The following ST8SIA5 variants were observed in gnomAD, a reference collection of about 807,000 sequenced individuals.
The protein encoded by ST8SIA5 is alpha-2,8-sialyltransferase 8E.
ST8SIA5 carries 24 observed loss-of-function variants against 40.2 expected under a neutral mutation model. That is an observed-to-expected ratio of 0.60 (90% confidence interval 0.43 to 0.84). ST8SIA5 has a LOEUF of 0.84. Among genes scored for constraint, ST8SIA5 ranks in the 40% least tolerant of loss-of-function variants. The pLI, the probability that ST8SIA5 is intolerant of heterozygous loss-of-function variation, is 0.00. For missense variants in ST8SIA5, 465 were observed against 498.5 expected, an observed-to-expected ratio of 0.93 and a Z score of 0.64; for synonymous variants, 198 against 201.8, an observed-to-expected ratio of 0.98 and a Z score of 0.16.
chr18:46,753,071 T>G (rs1026435794), intron 1 of ST8SIA5, among the ~76,000 whole-genome samples: 1 of 152,256 alleles, frequency 6.6e-6, no homozygotes, highest in Admixed American at 6.5e-5. Context: ...CTGAGGCTAG[T>G]GACCCACTGT....
intron 1 of ST8SIA5, among the ~76,000 whole-genome samples, chr18:46,733,029 C>T (rs574849382): frequency 6.6e-6 from 1 of 152,198 alleles, no homozygotes; most frequent in East Asian, 1.9e-4. Context: ...ACCCAGGGCT[C>T]CAGAAGCCTC....
In ST8SIA5 at chr18:46,688,837, A is replaced by T; in HGVS notation, c.394T>A (p.Tyr132Asn). 1 of 1,614,010 alleles carries T rather than the reference A, an allele frequency of 6.2e-7. No homozygotes were observed. The highest frequency in any genetic ancestry group is 8.5e-7 in the Non-Finnish European group (1 of 1,179,976). ...TAGATGCCACTGGTGTCCACCTCAT[A>T]CTTGAGCTTTGTCCCCAGGGGAGTG... is the stretch of plus-strand genomic sequence containing the variant. ...KNTPLGTKLK[Y>N]EVDTSGIYHI... The change falls in exon 4 of 7, where the codon TAT (tyrosine) becomes AAT (asparagine). Residue 132 changes from tyrosine to asparagine, a missense_variant. Transcript: ENST00000315087.
chr18:46,722,728 T>G (rs1280292577), intron 1 of ST8SIA5, among the ~76,000 whole-genome samples: 4 of 152,202 alleles, frequency 2.6e-5, no homozygotes, highest in Non-Finnish European at 5.9e-5. Flanking sequence ...ACCCTCCTGC[T>G]GCAGCAATCA....
intron 4 of ST8SIA5, among the ~76,000 whole-genome samples, chr18:46,687,571 TC>T (rs2039460143): frequency 6.6e-6 from 1 of 152,112 alleles, no homozygotes; most frequent in South Asian, 2.1e-4. Flanking sequence ...AAGACCCACC[TC>T]ATAAAGGTGG....
In ST8SIA5 at chr18:46,704,563, C is replaced by T; in HGVS notation, c.224+9G>A. The T allele has an allele frequency of 6.2e-7, 1 of 1,613,724 alleles. No homozygotes were observed. The highest frequency in any genetic ancestry group is 8.5e-7 in the Non-Finnish European group (1 of 1,179,814). On this transcript the variant is annotated intron_variant, in intron 2 of 6. Coordinates refer to ENST00000315087, the MANE Select transcript of ST8SIA5 (RefSeq NM_013305.6). ...GCTCCCTGCACCCACCACAAATGGC[C>T]ACACTCACATGGACAGCACCTTCAC...
intron 1 of ST8SIA5, among the ~76,000 whole-genome samples, chr18:46,733,309 T>G (rs1390808647): frequency 1.3e-5 from 2 of 152,258 alleles, no homozygotes; most frequent in Non-Finnish European, 2.9e-5. Flanking sequence ...CTATTGTTAA[T>G]CAGCAAATCA....
chr18:46,753,693 T>C (rs889537321), intron 1 of ST8SIA5, among the ~76,000 whole-genome samples: 7 of 152,324 alleles, frequency 4.6e-5, no homozygotes, highest in African/African-American at 1.7e-4. Flanking sequence ...AAATTATTTG[T>C]TGCTGGGGGC....
At chr18:46,719,719 TCTCTTTCTCTCTC>T (rs1338981716) in intron 1 of ST8SIA5, among the ~76,000 whole-genome samples, 9 of 150,986 alleles carry the variant, frequency 6.0e-5, no homozygotes, top group African/African-American at 1.2e-4. Flanking sequence ...TCTTTCTTTC[TCTCTTTCTCTCTC>T]TTCTTTCCTT....
chr18:46,732,474 A>G (rs4121688), intron 1 of ST8SIA5, among the ~76,000 whole-genome samples: 131,799 of 152,152 alleles, frequency 0.87, 57,281 homozygotes, highest in East Asian at 1. Context: ...GGCCTCATGC[A>G]CAACACACCT....
chr18:46,687,889 C>G (rs572558305), intron 4 of ST8SIA5, among the ~76,000 whole-genome samples: 1 of 152,234 alleles, frequency 6.6e-6, no homozygotes, highest in Non-Finnish European at 1.5e-5. Flanking sequence ...ACCCATGCAA[C>G]CTTCCTCCTC....
At chr18:46,715,007 G>A (rs112101003) in intron 1 of ST8SIA5, among the ~76,000 whole-genome samples, 161 of 152,248 alleles carry the variant, frequency 1.1e-3, no homozygotes, top group African/African-American at 3.6e-3. Context: ...TCAGCCGGCC[G>A]CAGCCTGGGT....
intron 2 of ST8SIA5, among the ~76,000 whole-genome samples, chr18:46,701,444 C>A (rs57248155): frequency 0.015 from 2,261 of 152,056 alleles, 53 homozygotes; most frequent in African/African-American, 0.052. Context: ...GGGATAGGGC[C>A]TTTAAAGAGG....
chr18:46,752,472 G>C (rs190530181), intron 1 of ST8SIA5, among the ~76,000 whole-genome samples: 1 of 152,282 alleles, frequency 6.6e-6, no homozygotes, highest in Non-Finnish European at 1.5e-5. Flanking sequence ...TTTGTTTCTT[G>C]TCTTTTTCTC....
intron 3 of ST8SIA5, among the ~76,000 whole-genome samples, chr18:46,689,362 C>A (rs1353842967): frequency 6.6e-6 from 1 of 152,182 alleles, no homozygotes; most frequent in Non-Finnish European, 1.5e-5. Flanking sequence ...AAAGAGCTCC[C>A]AGCCAGGCCT....
At chr18:46,755,120 C>A (rs146858695) in intron 1 of ST8SIA5, among the ~76,000 whole-genome samples, 5 of 152,204 alleles carry the variant, frequency 3.3e-5, no homozygotes, top group African/African-American at 1.2e-4. Flanking sequence ...ATGTTCAGAA[C>A]AAGGTGCCTC....
chr18:46,735,862 T>A (rs2040028902), intron 1 of ST8SIA5, among the ~76,000 whole-genome samples: 2 of 152,020 alleles, frequency 1.3e-5, no homozygotes, highest in African/African-American at 4.8e-5. Flanking sequence ...ATCCTCCCAC[T>A]TTGGCCTCCC....
chr18:46,700,160 G>A (rs900444078), intron 2 of ST8SIA5, among the ~76,000 whole-genome samples: 9 of 152,202 alleles, frequency 5.9e-5, no homozygotes, highest in Non-Finnish European at 1.2e-4. Context: ...AATCATCATG[G>A]AGTCGTTCTT....
At chr18:46,744,722 A>G (rs2040121742) in intron 1 of ST8SIA5, among the ~76,000 whole-genome samples, 1 of 152,220 alleles carries the variant, frequency 6.6e-6, no homozygotes, top group Admixed American at 6.5e-5. Flanking sequence ...GACCTAACAG[A>G]CATCTACAGA....
chr18:46,750,875 T>C (rs770411434), intron 1 of ST8SIA5, among the ~76,000 whole-genome samples: 5 of 152,338 alleles, frequency 3.3e-5, no homozygotes, highest in South Asian at 2.1e-4. Context: ...ATTGCTCACA[T>C]CAGTGGTTTT....
Sources: gnomAD v4.1 joint callset for allele counts (sites outside exome capture counted in the v4.1 genomes callset) on GRCh38, gnomAD v4.1.1 for gene constraint, MANE v1.5 for transcripts, NCBI Gene and HGNC (gene_info 2026-07-23, HGNC 2026-07-21) for gene names.